GTF3C6: variants seen among roughly 807,000 people sequenced by gnomAD.
The protein encoded by GTF3C6 is general transcription factor 3C polypeptide 6.
A neutral mutation model predicts 19.2 loss-of-function variants in GTF3C6; 11 were observed. The ratio of observed to expected loss-of-function variants is 0.57; its 90% CI spans 0.36 to 0.95. The LOEUF (loss-of-function observed/expected upper bound fraction) is 0.95. Ranked by LOEUF, GTF3C6 falls within the 40% of genes least tolerant of loss-of-function variation. The pLI, the probability that GTF3C6 is intolerant of heterozygous loss-of-function variation, is 0.01. For missense variants in GTF3C6, 222 were observed against 254.7 expected (o/e 0.87, Z 0.87); for synonymous variants, 87 against 84.2 (o/e 1.03, Z -0.18).
At chr6:110,965,263 C>T (rs1389038064) in intron 5 of GTF3C6, among the ~76,000 whole-genome samples, 4 of 150,288 alleles carry the variant, frequency 2.7e-5, no homozygotes, top group African/African-American at 9.8e-5. Flanking sequence ...GTGATGAGTT[C>T]TTAATTTGCA....
At chr6:110,966,704 A>T (rs958916795) in intron 5 of GTF3C6, among the ~76,000 whole-genome samples, 18 of 152,228 alleles carry the variant, frequency 1.2e-4, no homozygotes, top group African/African-American at 3.6e-4. Flanking sequence ...ACAGACATGG[A>T]TGAATAAGAG....
At chr6:110,959,111 G>T in intron 1 of GTF3C6, 61 bp from the exon 2 acceptor site, 1 of 1,229,902 alleles carries the variant, frequency 8.1e-7, no homozygotes, top group Non-Finnish European at 1.2e-6. Flanking sequence ...GGCTTCTTTT[G>T]CTAATTGCTC....
rs59470162 is a variant in GTF3C6, at chr6:110,959,267, CT to C, written c.138+17del. 68,985 of 1,495,752 alleles carry C rather than the reference CT, an allele frequency of 0.046. 5,993 individuals carry two copies. Among genetic ancestry groups the C allele is most frequent in the East Asian group, 0.45 (20,046 of 44,166 alleles). The allele number at this position is 1,495,752 out of a possible 1,614,324, so 92.7% of individuals were successfully genotyped here. A position where few individuals can be genotyped will look rare whatever the true frequency, so the allele number is the denominator to read the frequency against. ...GCAAGGTTTTGGTGAGTTTTCTAGA[CT>C]TGGGGGGATTGTTCTAGAGTGTCTT... On this transcript the variant is annotated intron_variant, in intron 2 of 5. Coordinates refer to ENST00000329970, the MANE Select transcript of GTF3C6 (RefSeq NM_138408.4).
At chr6:110,961,718 G>T (rs1243781389) in intron 4 of GTF3C6, among the ~76,000 whole-genome samples, 2 of 152,050 alleles carry the variant, frequency 1.3e-5, no homozygotes, top group African/African-American at 2.4e-5. Flanking sequence ...TCTGACTTTG[G>T]TCCTTAATTT....
chr6:110,960,779 G>T (rs1162232609), intron 4 of GTF3C6, among the ~76,000 whole-genome samples, 163 bp downstream of exon 4: 3 of 151,776 alleles, frequency 2.0e-5, no homozygotes, highest in Non-Finnish European at 4.4e-5. Context: ...GGCTGGGCCA[G>T]GTGGCTCAAT....
chr6:110,958,953 C>A, intron 1 of GTF3C6, 127 bp downstream of exon 1: 1 of 1,145,774 alleles, frequency 8.7e-7, no homozygotes, highest in South Asian at 1.5e-5. Flanking sequence ...CGGCTTCTTG[C>A]TCCTGGGCGC....
chr6:110,964,862 C>T (rs1430063289), intron 5 of GTF3C6, among the ~76,000 whole-genome samples: 18 of 140,642 alleles, frequency 1.3e-4, no homozygotes, highest in African/African-American at 3.7e-4. Context: ...AGACGAATTT[C>T]GCTCTTGTTG....
intron 2 of GTF3C6, among the ~76,000 whole-genome samples, 171 bp from the exon 3 acceptor site, chr6:110,960,243 C>A (rs1771142457): frequency 6.6e-6 from 1 of 152,190 alleles, no homozygotes; most frequent in Admixed American, 6.5e-5. Flanking sequence ...AAGTAGTCTT[C>A]AGGTTGTAAC....
chr6:110,961,238 C>G (rs1017882831), intron 4 of GTF3C6, among the ~76,000 whole-genome samples: 6 of 151,402 alleles, frequency 4.0e-5, no homozygotes, highest in African/African-American at 1.5e-4. Flanking sequence ...GCAACCTCCA[C>G]CTCCCAGGTT....
chr6:110,960,985 G>A (rs1466125238), intron 4 of GTF3C6, among the ~76,000 whole-genome samples: 1 of 151,828 alleles, frequency 6.6e-6, no homozygotes, highest in Non-Finnish European at 1.5e-5. Context: ...GGTGGAGGTT[G>A]CAGTGAGCCG....
chr6:110,963,466 A>G (rs1452975148), intron 5 of GTF3C6, among the ~76,000 whole-genome samples: 2 of 151,922 alleles, frequency 1.3e-5, no homozygotes, highest in African/African-American at 2.4e-5. Context: ...ACTTCCTTGT[A>G]TCTTTTTGTA....
intron 5 of GTF3C6, among the ~76,000 whole-genome samples, chr6:110,963,580 A>G (rs1459791403): frequency 3.4e-5 from 5 of 147,332 alleles, no homozygotes; most frequent in African/African-American, 9.7e-5. Context: ...TGTGGGGGGA[A>G]AAAACTTCCT....
intron 5 of GTF3C6, among the ~76,000 whole-genome samples, chr6:110,965,763 A>G (rs1771222092): frequency 6.6e-6 from 1 of 152,208 alleles, no homozygotes; most frequent in African/African-American, 2.4e-5. Context: ...CAAGTAAATG[A>G]GCAACCAACA....
In GTF3C6 at chr6:110,958,957, T is replaced by C; in HGVS notation, c.57+131T>C. 5.4e-6 allele frequency: 6 copies of C among 1,114,440 alleles called. No individual in the cohort carries two copies. In the South Asian group the frequency reaches 6.0e-5, roughly 11 times the overall value. 69.0% of individuals were successfully genotyped at this position (1,114,440 alleles called of 1,614,324 possible). On this transcript the variant is annotated intron_variant, in intron 1 of 5. Coordinates refer to ENST00000329970, the MANE Select transcript of GTF3C6 (RefSeq NM_138408.4). ...CTGCTCCTCACCGGCTTCTTGCTCC[T>C]GGGCGCGAGGAGCCGGGCAGCTTGG... is the stretch of plus-strand genomic sequence containing the variant.
intron 3 of GTF3C6, 24 bp downstream of exon 3, chr6:110,960,501 A>G: frequency 1.2e-6 from 2 of 1,609,924 alleles, no homozygotes; most frequent in Non-Finnish European, 1.7e-6. Flanking sequence ...AGATAGATGG[A>G]ACTCTTTCTG....
intron 5 of GTF3C6, among the ~76,000 whole-genome samples, chr6:110,965,013 G>A (rs1038900261): frequency 6.6e-6 from 1 of 151,450 alleles, no homozygotes; most frequent in African/African-American, 2.4e-5. Flanking sequence ...TGTATTTTTA[G>A]TAGAGAGATG....
Position 110,963,703 on chromosome 6 carries a change from C to CTTTTTT in GTF3C6, c.361+1210_361+1215dup. Among the ~76,000 whole-genome samples, 2 of 129,982 alleles carry CTTTTTT rather than the reference C, an allele frequency of 1.5e-5. 1 individual carries two copies. Among genetic ancestry groups the CTTTTTT allele is most frequent in the African/African-American group, 5.7e-5 (2 of 34,976 alleles). The allele number at this position is 129,982 out of a possible 152,430, so 85.3% of individuals were successfully genotyped here. ...CAGGCTCACATCTGGAAAAAGCTGG[C>CTTTTTT]TTTTTTTTTTTTTTTTTGGAGACAG... On this transcript the variant is annotated intron_variant, in intron 5 of 5. Transcript: ENST00000329970.
chr6:110,964,799 G>A (rs1298703680), intron 5 of GTF3C6, among the ~76,000 whole-genome samples: 7 of 150,762 alleles, frequency 4.6e-5, no homozygotes, highest in Admixed American at 2.0e-4. Flanking sequence ...CCACCACCAC[G>A]CCCGGCTAAT....
intron 2 of GTF3C6, 146 bp downstream of exon 2, chr6:110,959,398 A>G (rs1225837342): frequency 1.7e-6 from 1 of 577,724 alleles, no homozygotes; most frequent in East Asian, 3.0e-5. Flanking sequence ...TATACTAAGT[A>G]TAATTAATTA....
Sources: allele counts gnomAD v4.1 joint callset (sites outside exome capture counted in the v4.1 genomes callset), GRCh38; gene constraint gnomAD v4.1.1; transcripts MANE v1.5; gene names NCBI Gene and HGNC (gene_info 2026-07-23, HGNC 2026-07-21).